Variants in MSH3 observed in about 807,000 individuals in gnomAD.
MSH3 encodes mutS homolog 3, also known as DNA mismatch repair protein Msh3.
Under a neutral mutation model 123.3 loss-of-function variants are expected in MSH3, and 106 were observed. The observed-to-expected ratio is 0.86, with a 90% confidence interval of 0.73 to 1.01. The LOEUF is 1.01. Ranked by LOEUF, MSH3 falls within the 50% of genes least tolerant of loss-of-function variation. The pLI is 0.00. For missense variants in MSH3, 1,459 were observed against 1,347.6 expected (o/e 1.08, Z -1.29); for synonymous variants, 515 against 481.4 (o/e 1.07, Z -0.91).
At chr5:80,816,043 A>G (rs551801061) in intron 20 of MSH3, among the ~76,000 whole-genome samples, 1 of 152,244 alleles carries the variant, frequency 6.6e-6, no homozygotes, top group Non-Finnish European at 1.5e-5. Flanking sequence ...CTTCTAAACC[A>G]TGCTGATTTC....
chr5:80,805,842 C>T (rs981440282), intron 19 of MSH3, among the ~76,000 whole-genome samples: 6 of 152,026 alleles, frequency 3.9e-5, no homozygotes, highest in Non-Finnish European at 8.8e-5. Flanking sequence ...CCACCTTGGC[C>T]TCCCAAACTG....
At chr5:80,849,941 C>T (rs1318764861) in intron 20 of MSH3, among the ~76,000 whole-genome samples, 1 of 152,118 alleles carries the variant, frequency 6.6e-6, no homozygotes, top group African/African-American at 2.4e-5. Flanking sequence ...AACTTTTATA[C>T]TCTGTTTCCA....
intron 20 of MSH3, among the ~76,000 whole-genome samples, chr5:80,837,395 G>A (rs1426638478): frequency 6.6e-6 from 1 of 152,004 alleles, no homozygotes; most frequent in Non-Finnish European, 1.5e-5. Context: ...CCTAGGCAAT[G>A]TGGCAAAACC....
chr5:80,673,972 A>G (rs1346760142), intron 6 of MSH3, among the ~76,000 whole-genome samples: 2 of 152,206 alleles, frequency 1.3e-5, no homozygotes. Flanking sequence ...ATGGTTTATT[A>G]CAGATCTGCT....
chr5:80,807,837 A>G (rs968391689), intron 19 of MSH3, among the ~76,000 whole-genome samples: 3 of 152,230 alleles, frequency 2.0e-5, no homozygotes, highest in South Asian at 2.1e-4. Flanking sequence ...TATTACACCA[A>G]TGAACCTAAC....
chr5:80,748,691 TACACACACACACACACACACACAC>T (rs36206914), intron 12 of MSH3, among the ~76,000 whole-genome samples: 1 of 147,358 alleles, frequency 6.8e-6, no homozygotes, highest in South Asian at 2.2e-4. Context: ...ATTTTTTATT[TACACACACACACACACACACACAC>T]ACACACACAC....
At chr5:80,865,994 A>G (rs1298686954) in intron 22 of MSH3, among the ~76,000 whole-genome samples, 6 of 152,236 alleles carry the variant, frequency 3.9e-5, no homozygotes, top group African/African-American at 1.4e-4. Flanking sequence ...GACTTAAGCT[A>G]AAACCCTTGG....
At chr5:80,675,581 A>G (rs1241343343) in intron 7 of MSH3, among the ~76,000 whole-genome samples, 2 of 152,228 alleles carry the variant, frequency 1.3e-5, no homozygotes, top group Admixed American at 1.3e-4. Flanking sequence ...TCATGAGAAC[A>G]GCAAGGAGGA....
chr5:80,848,104 C>T (rs1745756949), intron 20 of MSH3, among the ~76,000 whole-genome samples: 1 of 152,176 alleles, frequency 6.6e-6, no homozygotes, highest in African/African-American at 2.4e-5. Context: ...CCAGGCATGC[C>T]TGTAGTCCCA....
At chr5:80,759,421 C>T (rs1743993099) in intron 12 of MSH3, among the ~76,000 whole-genome samples, 2 of 152,040 alleles carry the variant, frequency 1.3e-5, no homozygotes, top group African/African-American at 2.4e-5. Context: ...ACCTTCTAGG[C>T]AAAGTAAGCA....
intron 19 of MSH3, among the ~76,000 whole-genome samples, chr5:80,809,729 C>T (rs1744973242): frequency 6.6e-6 from 1 of 152,134 alleles, no homozygotes; most frequent in South Asian, 2.1e-4. Flanking sequence ...CATTCTTTCA[C>T]TTTCCATTTT....
intron 12 of MSH3, among the ~76,000 whole-genome samples, chr5:80,753,427 A>G (rs1170813309): frequency 6.6e-6 from 1 of 152,152 alleles, no homozygotes. Flanking sequence ...GAGTAGGTAG[A>G]GTCTTTTATG....
At chr5:80,855,887 T>C (rs1231917746) in intron 21 of MSH3, 1 of 147,588 alleles carries the variant, frequency 6.8e-6, no homozygotes, top group African/African-American at 2.5e-5. Context: ...TTTTTTTTTT[T>C]TTTTTTTTTC....
At chr5:80,660,415 G>A (rs1749407599) in intron 2 of MSH3, among the ~76,000 whole-genome samples, 1 of 152,090 alleles carries the variant, frequency 6.6e-6, no homozygotes, top group South Asian at 2.1e-4. Flanking sequence ...CCTCCCACTG[G>A]GTTACCTCTC....
At chr5:80,854,036 A>C (rs1419920607) in intron 20 of MSH3, 94 bp from the exon 21 acceptor site, 23 of 1,000,790 alleles carry the variant, frequency 2.3e-5, no homozygotes, top group Non-Finnish European at 3.2e-5. Context: ...ATAGATTCTT[A>C]GTGATCTTTT....
intron 2 of MSH3, among the ~76,000 whole-genome samples, chr5:80,658,035 C>CTTTTTTTTTTTTT (rs1554066333): frequency 9.2e-5 from 8 of 87,210 alleles, no homozygotes; most frequent in East Asian, 5.1e-4. Context: ...GCTTTTTGCC[C>CTTTTTTTTTTTTT]TCTTTTTTTT....
At position 80,693,624 on chromosome 5, in the gene MSH3, TACAC is replaced by T. The variant is rs370934498; in HGVS notation, c.1340+14553_1340+14556del. On this transcript the variant is annotated intron_variant, in intron 8 of 23. Coordinates refer to ENST00000265081, the MANE Select transcript of MSH3 (RefSeq NM_002439.5). ...ACATACATATATACACACACACATA[TACAC>T]ACACACACACACACACACACAAACA... 5.4e-3 allele frequency among the ~76,000 whole-genome samples: 789 copies of T among 146,028 alleles called. 11 individuals carry two copies. Among genetic ancestry groups the T allele is most frequent in the African/African-American group, 0.014 (552 of 39,812 alleles).
At chr5:80,803,268 AT>A (rs1744824296) in intron 19 of MSH3, among the ~76,000 whole-genome samples, 1 of 152,114 alleles carries the variant, frequency 6.6e-6, no homozygotes, top group Non-Finnish European at 1.5e-5. Flanking sequence ...TGAATATGTC[AT>A]TTTGACTGGG....
intron 1 of MSH3, 93 bp downstream of exon 1, chr5:80,655,057 G>T: frequency 1.4e-6 from 1 of 711,978 alleles, no homozygotes; most frequent in South Asian, 2.2e-5. Context: ...TCCGCCCGAT[G>T]ATAGGGCTGG....
Sources: gnomAD v4.1 joint callset for allele counts (sites outside exome capture counted in the v4.1 genomes callset) on GRCh38, gnomAD v4.1.1 for gene constraint, MANE v1.5 for transcripts, NCBI Gene and HGNC (gene_info 2026-07-23, HGNC 2026-07-21) for gene names.